The following SHOC2 variants were observed in gnomAD, a reference collection of about 807,000 sequenced individuals.
SHOC2 encodes the protein leucine-rich repeat protein SHOC-2.
Under a neutral mutation model 50.2 loss-of-function variants are expected in SHOC2, and 4 were observed. That is an observed-to-expected ratio of 0.08 (90% CI 0.04 to 0.18). The LOEUF is 0.18. SHOC2 is among the 10% of genes least tolerant of loss of function. The pLI is 1.00. For missense variants in SHOC2, 388 were observed against 669.6 expected, an observed-to-expected ratio of 0.58 and a Z score of 4.64; for synonymous variants, 218 against 244.5, an observed-to-expected ratio of 0.89 and a Z score of 1.01.
Position 111,011,741 on chromosome 10 carries a change from C to A in SHOC2, c.1672C>A (p.Pro558Thr). The change falls in exon 9 of 9, where the codon CCT becomes ACT. Residue 558 changes from proline to threonine, a missense_variant. Around this residue, in one of 5 missense-constraint regions of SHOC2, gnomAD observed 130 missense variants for 208.6 expected, o/e 0.62. Coordinates refer to ENST00000369452, the MANE Select transcript of SHOC2 (RefSeq NM_007373.4). Reference protein sequence around the residue: ...IENCPLSHLPPQIVAGGPSFI... With the variant: ...IENCPLSHLPTQIVAGGPSFI... ...GAACTGTCCACTCAGTCACCTTCCA[C>A]CTCAGATTGTTGCTGGGGGGCCTTC... 1 of 1,614,028 alleles carries A rather than the reference C, an allele frequency of 6.2e-7. No individual in the cohort carries two copies. The highest frequency in any genetic ancestry group is 8.5e-7 in the Non-Finnish European group (1 of 1,179,944).
At chr10:110,946,056 T>C (rs1847240539) in intron 1 of SHOC2, among the ~76,000 whole-genome samples, 1 of 152,254 alleles carries the variant, frequency 6.6e-6, no homozygotes, top group East Asian at 1.9e-4. Flanking sequence ...GATTGTCCTT[T>C]TCATCCTACT....
At chr10:111,002,524 A>G (rs1848397206) in intron 4 of SHOC2, among the ~76,000 whole-genome samples, 1 of 152,220 alleles carries the variant, frequency 6.6e-6, no homozygotes, top group African/African-American at 2.4e-5. Flanking sequence ...ACATATTCCC[A>G]AGGCTTGAGT....
At chr10:110,996,410 C>T (rs184188704) in intron 3 of SHOC2, among the ~76,000 whole-genome samples, 3 of 151,604 alleles carry the variant, frequency 2.0e-5, no homozygotes, top group Admixed American at 2.0e-4. Flanking sequence ...GCCTGTAGTC[C>T]GTGCTACTCC....
At chr10:111,009,853 ACT>A (rs749777570) in intron 8 of SHOC2, 23 bp downstream of exon 8, 1 of 1,191,158 alleles carries the variant, frequency 8.4e-7, no homozygotes, top group African/African-American at 1.5e-5. Context: ...TGAATGCTTG[ACT>A]CTGTACTAAT....
At chr10:110,945,344 G>A (rs956458557) in intron 1 of SHOC2, among the ~76,000 whole-genome samples, 26 of 152,118 alleles carry the variant, frequency 1.7e-4, no homozygotes, top group African/African-American at 5.8e-4. Context: ...GCTTTTTAAC[G>A]TAGCTTCTAG....
chr10:111,008,079 C>T (rs1184874899), intron 6 of SHOC2, among the ~76,000 whole-genome samples: 3 of 149,230 alleles, frequency 2.0e-5, no homozygotes, highest in Non-Finnish European at 4.5e-5. Context: ...TGATTATTGT[C>T]TTTGTTGTAA....
intron 2 of SHOC2, among the ~76,000 whole-genome samples, chr10:110,974,893 A>G (rs1847847858): frequency 6.6e-6 from 1 of 152,198 alleles, no homozygotes; most frequent in East Asian, 1.9e-4. Flanking sequence ...TTTAAGGTTT[A>G]AATTATGTTT....
chr10:110,997,788 A>G (rs1318750616), intron 3 of SHOC2, among the ~76,000 whole-genome samples: 1 of 152,142 alleles, frequency 6.6e-6, no homozygotes, highest in Non-Finnish European at 1.5e-5. Flanking sequence ...AGAGAGGTTA[A>G]GTAACTTGCC....
chr10:110,939,626 G>A (rs1847097607), intron 1 of SHOC2, among the ~76,000 whole-genome samples: 1 of 152,174 alleles, frequency 6.6e-6, no homozygotes, highest in Admixed American at 6.5e-5. Flanking sequence ...CAACTTTGAT[G>A]TTAGATTATA....
In SHOC2 at chr10:111,004,634, A is replaced by G. The variant is rs1564729432; in HGVS notation, c.1001A>G (p.Asn334Ser). Residue 334 changes from asparagine (N) to serine (S), a missense_variant, in exon 5 of 9, where the codon AAT becomes AGT. By Grantham distance (46) the Asn-to-Ser change is conservative. Transcript: ENST00000369452. ...CTTTTATCAAGTCTTGTGAAACTGA[A>G]TAGTTTGACCTTAGCTAGAAATTGC... ...ESLLSSLVKL[N>S]SLTLARNCFQ... 1.2e-6 allele frequency: 2 copies of G among 1,613,140 alleles called. No homozygotes were observed. Among genetic ancestry groups the G allele is most frequent in the Non-Finnish European group, 1.7e-6 (2 of 1,179,136 alleles).
At chr10:110,945,905 C>T (rs1484421989) in intron 1 of SHOC2, among the ~76,000 whole-genome samples, 2 of 152,204 alleles carry the variant, frequency 1.3e-5, no homozygotes, top group African/African-American at 4.8e-5. Context: ...GGTTCTGATT[C>T]TCTGTGTTGA....
At chr10:111,004,061 A>G (rs895266316) in intron 4 of SHOC2, among the ~76,000 whole-genome samples, 1 of 152,158 alleles carries the variant, frequency 6.6e-6, no homozygotes, top group African/African-American at 2.4e-5. Context: ...CCATATAGAA[A>G]AGCGGTGTAT....
intron 2 of SHOC2, among the ~76,000 whole-genome samples, chr10:110,985,353 A>G (rs1402618644): frequency 6.6e-6 from 1 of 152,114 alleles, no homozygotes; most frequent in Non-Finnish European, 1.5e-5. Context: ...TAATTTTATC[A>G]GATGTCATCT....
At chr10:110,977,395 A>G (rs1847897229) in intron 2 of SHOC2, among the ~76,000 whole-genome samples, 1 of 151,964 alleles carries the variant, frequency 6.6e-6, no homozygotes, top group Non-Finnish European at 1.5e-5. Context: ...AGAAGCATGC[A>G]CCACCACACC....
intron 3 of SHOC2, among the ~76,000 whole-genome samples, chr10:110,986,293 G>A (rs956849903): frequency 2.0e-5 from 3 of 152,062 alleles, no homozygotes; most frequent in African/African-American, 7.2e-5. Context: ...TATGTTTTGT[G>A]TTTATGTAGT....
At chr10:110,949,919 C>T (rs1440890226) in intron 1 of SHOC2, among the ~76,000 whole-genome samples, 2 of 152,236 alleles carry the variant, frequency 1.3e-5, no homozygotes, top group Admixed American at 6.5e-5. Flanking sequence ...ATAGAAGGTA[C>T]GTATCTCAAC....
At chr10:110,926,577 T>A (rs1254804270) in intron 1 of SHOC2, among the ~76,000 whole-genome samples, 1 of 152,190 alleles carries the variant, frequency 6.6e-6, no homozygotes, top group Non-Finnish European at 1.5e-5. Flanking sequence ...AAAAGCCAGA[T>A]GCAAGACATT....
intron 3 of SHOC2, among the ~76,000 whole-genome samples, chr10:110,998,074 C>T (rs1033750286): frequency 3.3e-5 from 5 of 151,294 alleles, no homozygotes; most frequent in East Asian, 1.9e-4. Flanking sequence ...TCTGAGCTCA[C>T]GGCAAACCTC....
chr10:111,007,291 C>T lies in SHOC2; in HGVS notation c.1162-240C>T, dbSNP rs11816033. Among the ~76,000 whole-genome samples, 8,838 of 151,982 alleles carry T rather than the reference C, an allele frequency of 0.058. 333 individuals carry two copies. The highest frequency in any genetic ancestry group is 0.11 in the African/African-American group (4,383 of 41,462). On this transcript the variant is annotated intron_variant, in intron 5 of 8. Coordinates refer to ENST00000369452, the MANE Select transcript of SHOC2 (RefSeq NM_007373.4). The stretch of plus-strand genomic sequence containing the variant: ...TCTGTATACTGTGTTTTTCTATTTC[C>T]ATTATAATCACATAAGGAACAAACT...
Sources: gnomAD v4.1 joint callset for allele counts (sites outside exome capture counted in the v4.1 genomes callset) on GRCh38, gnomAD v4.1.1 for gene constraint, gnomAD v4.1.1 regional missense constraint, MANE v1.5 for transcripts, NCBI Gene and HGNC (gene_info 2026-07-23, HGNC 2026-07-21) for gene names.